SPATA17: variants seen among roughly 807,000 people sequenced by gnomAD.
SPATA17 encodes the protein spermatogenesis-associated protein 17.
SPATA17 carries 53 observed loss-of-function variants against 62.2 expected under a neutral mutation model. The ratio of observed to expected loss-of-function variants is 0.85; its 90% CI spans 0.68 to 1.07. The LOEUF is 1.07. Ranked by LOEUF, SPATA17 falls within the 50% of genes least tolerant of loss-of-function variation. SPATA17 has a pLI of 0.00. For synonymous variants in SPATA17, 146 were observed against 146.8 expected, an observed-to-expected ratio of 0.99 and a Z score of 0.04; for missense variants, 466 against 425.5, an observed-to-expected ratio of 1.10 and a Z score of -0.84.
intron 9 of SPATA17, among the ~76,000 whole-genome samples, chr1:217,855,941 G>A (rs1054130148): frequency 2.6e-5 from 4 of 151,794 alleles, no homozygotes; most frequent in Non-Finnish European, 4.4e-5. Context: ...TGGCCAGGAT[G>A]GTCTCGATCC....
intron 9 of SPATA17, among the ~76,000 whole-genome samples, chr1:217,834,853 T>C (rs1675226280): frequency 6.6e-6 from 1 of 152,160 alleles, no homozygotes; most frequent in Non-Finnish European, 1.5e-5. Context: ...CAGAGCAACT[T>C]CCAGTCCTGT....
chr1:217,704,690 T>C lies in SPATA17; in HGVS notation c.395+21329T>C, dbSNP rs551009861. Among the ~76,000 whole-genome samples, 7 of 152,336 alleles carry C rather than the reference T, an allele frequency of 4.6e-5. No individual in the cohort carries two copies. In the East Asian group the frequency reaches 1.2e-3, roughly 25 times the overall value. Reference sequence around the variant, plus strand: ...TCCTGCGTTAGTTCTCTTAGGATAATGGCCTCCACCTCCATCCATGTTGCT... The same window carrying C: ...TCCTGCGTTAGTTCTCTTAGGATAACGGCCTCCACCTCCATCCATGTTGCT... On this transcript the variant is annotated intron_variant, in intron 5 of 10. Transcript: ENST00000366933.
Position 217,765,502 on chromosome 1 carries a change from CTT to C in SPATA17, c.520-8831_520-8830del, listed in dbSNP as rs1232646717. Among the ~76,000 whole-genome samples the C allele has an allele frequency of 4.0e-5, 6 of 151,664 alleles. 2 individuals are homozygous for C. The South Asian group carries it at 1.0e-3, about 26-fold the overall frequency. On this transcript the variant is annotated intron_variant, in intron 6 of 10. Coordinates refer to ENST00000366933, the MANE Select transcript of SPATA17 (RefSeq NM_138796.4). Reference sequence around the variant, plus strand: ...TATTTCAAAAAATCTAAAATTTTCTCTTGAGGTTTCTTTTTTGTTCCATGTGA... The same window carrying C: ...TATTTCAAAAAATCTAAAATTTTCTCGAGGTTTCTTTTTTGTTCCATGTGA...
chr1:217,846,684 A>T (rs1347245709), intron 9 of SPATA17, among the ~76,000 whole-genome samples: 2 of 152,096 alleles, frequency 1.3e-5, no homozygotes, highest in Non-Finnish European at 2.9e-5. Flanking sequence ...ACGTCATGTT[A>T]TATATACTTG....
intron 7 of SPATA17, chr1:217,781,150 G>T (rs1216513171): frequency 6.6e-6 from 1 of 152,018 alleles, no homozygotes. Context: ...TATGGTAACT[G>T]GTTCCTATTA....
chr1:217,856,323 C>T (rs922992977), intron 9 of SPATA17, among the ~76,000 whole-genome samples: 4 of 152,152 alleles, frequency 2.6e-5, no homozygotes, highest in African/African-American at 4.8e-5. Context: ...TGTATTCATA[C>T]TTTCAGGTTA....
At chr1:217,647,732 T>A (rs1010700351) in intron 1 of SPATA17, among the ~76,000 whole-genome samples, 2 of 151,842 alleles carry the variant, frequency 1.3e-5, no homozygotes, top group Admixed American at 6.6e-5. Flanking sequence ...AAAATTTTTT[T>A]TTTTATTTTG....
chr1:217,669,588 A>T (rs924779605), intron 4 of SPATA17, among the ~76,000 whole-genome samples: 19 of 151,952 alleles, frequency 1.3e-4, no homozygotes, highest in African/African-American at 7.2e-5. Context: ...TGGAGCTTGA[A>T]CTCGGTTTCT....
At chr1:217,746,616 T>C (rs149579706) in intron 6 of SPATA17, among the ~76,000 whole-genome samples, 156 of 151,938 alleles carry the variant, frequency 1.0e-3, no homozygotes, top group African/African-American at 3.2e-3. Context: ...TATACTCATA[T>C]GCTGATTGCA....
intron 6 of SPATA17, among the ~76,000 whole-genome samples, chr1:217,746,217 A>T (rs560770134): frequency 7.9e-5 from 12 of 152,150 alleles, no homozygotes; most frequent in African/African-American, 2.9e-4. Flanking sequence ...GCTTGCAGAT[A>T]TTTGAAAATT....
At chr1:217,781,048 C>T (rs1372787480) in intron 7 of SPATA17, 1 of 152,034 alleles carries the variant, frequency 6.6e-6, no homozygotes, top group Non-Finnish European at 1.5e-5. Context: ...AATCCATTAA[C>T]TACTTTCAAA....
At chr1:217,662,497 A>G (rs1670592570) in intron 3 of SPATA17, among the ~76,000 whole-genome samples, 1 of 152,186 alleles carries the variant, frequency 6.6e-6, no homozygotes, top group South Asian at 2.1e-4. Flanking sequence ...TAAAAATAAC[A>G]TTATATACTG....
At chr1:217,796,961 G>A (rs1280949889) in intron 8 of SPATA17, among the ~76,000 whole-genome samples, 1 of 151,998 alleles carries the variant, frequency 6.6e-6, no homozygotes, top group African/African-American at 2.4e-5. Flanking sequence ...ACAACTTATG[G>A]CCCTTTTTAA....
intron 5 of SPATA17, among the ~76,000 whole-genome samples, chr1:217,710,708 C>T (rs978512492): frequency 6.6e-6 from 1 of 151,994 alleles, no homozygotes; most frequent in African/African-American, 2.4e-5. Flanking sequence ...ATATATAATA[C>T]ACCCATTTAA....
chr1:217,797,030 C>A (rs1674166497), intron 8 of SPATA17, among the ~76,000 whole-genome samples: 1 of 152,100 alleles, frequency 6.6e-6, no homozygotes, highest in East Asian at 1.9e-4. Flanking sequence ...ATTAACTATA[C>A]TTACTACAAT....
At chr1:217,732,049 C>A (rs557764682) in intron 5 of SPATA17, among the ~76,000 whole-genome samples, 1 of 151,038 alleles carries the variant, frequency 6.6e-6, no homozygotes, top group South Asian at 2.1e-4. Context: ...TTGGAGTTGA[C>A]AATGAAAAGA....
chr1:217,639,395 G>A (rs1271658611), intron 1 of SPATA17, among the ~76,000 whole-genome samples: 1 of 152,024 alleles, frequency 6.6e-6, no homozygotes, highest in East Asian at 1.9e-4. Context: ...TCCTAGTTAT[G>A]TCATCTATGT....
At chr1:217,744,064 T>C (rs1020339926) in intron 6 of SPATA17, among the ~76,000 whole-genome samples, 7 of 152,070 alleles carry the variant, frequency 4.6e-5, no homozygotes, top group Admixed American at 4.6e-4. Context: ...ATCTATGGAG[T>C]GCTTACCATG....
chr1:217,715,777 CTTTG>C lies in SPATA17; in HGVS notation c.396-26195_396-26192del, dbSNP rs1366786101. On this transcript the variant is annotated intron_variant, in intron 5 of 10. Transcript: ENST00000366933. Reference sequence around the variant, plus strand: ...ATCTTAAAATTCTCAGTTTCGTTCTCTTTGTTGTATTTCCGCTGTTATACTGTCA... The same window carrying C: ...ATCTTAAAATTCTCAGTTTCGTTCTCTTGTATTTCCGCTGTTATACTGTCA... Among the ~76,000 whole-genome samples the C allele has an allele frequency of 2.0e-5, 3 of 151,764 alleles. No individual in the cohort carries two copies. The East Asian group carries it at 5.8e-4, about 29-fold the overall frequency.
Sources: gnomAD v4.1 joint callset for allele counts (sites outside exome capture counted in the v4.1 genomes callset) on GRCh38, gnomAD v4.1.1 for gene constraint, MANE v1.5 for transcripts, NCBI Gene and HGNC (gene_info 2026-07-23, HGNC 2026-07-21) for gene names.